NCOA2: variants seen among roughly 807,000 people sequenced by gnomAD.
The protein encoded by NCOA2 is class E basic helix-loop-helix protein 75.
A neutral mutation model predicts 145.1 loss-of-function variants in NCOA2; 21 were observed. The observed-to-expected ratio is 0.14, with a 90% CI of 0.10 to 0.21. The LOEUF (loss-of-function observed/expected upper bound fraction) is 0.21. NCOA2 is among the 10% of genes least tolerant of loss of function. The pLI, the probability that NCOA2 is intolerant of heterozygous loss-of-function variation, is 1.00. For missense variants in NCOA2, 1,472 were observed against 1,837.6 expected, an observed-to-expected ratio of 0.80 and a Z score of 3.64; for synonymous variants, 619 against 637.5, an observed-to-expected ratio of 0.97 and a Z score of 0.44.
chr8:70,269,440 G>A (rs918394059), intron 2 of NCOA2, among the ~76,000 whole-genome samples: 2 of 151,664 alleles, frequency 1.3e-5, no homozygotes, highest in African/African-American at 2.4e-5. Context: ...TGGGCAACAC[G>A]GTGAGACTCT....
intron 1 of NCOA2, among the ~76,000 whole-genome samples, chr8:70,339,139 C>T (rs1807897256): frequency 6.6e-6 from 1 of 152,088 alleles, no homozygotes; most frequent in African/African-American, 2.4e-5. Context: ...GAAAGGAAGT[C>T]AAATTGTCTT....
chr8:70,225,587 A>G (rs576908869), intron 2 of NCOA2, among the ~76,000 whole-genome samples: 65 of 152,000 alleles, frequency 4.3e-4, no homozygotes, highest in African/African-American at 1.5e-3. Context: ...AAGAAAAGAA[A>G]AAGAAAAAGA....
intron 1 of NCOA2, among the ~76,000 whole-genome samples, chr8:70,354,883 T>C (rs1809549330): frequency 6.6e-6 from 1 of 152,210 alleles, no homozygotes; most frequent in African/African-American, 2.4e-5. Flanking sequence ...TAGTTTATTA[T>C]TCTCTGAGAT....
chr8:70,197,441 G>C (rs1223736834), intron 4 of NCOA2, among the ~76,000 whole-genome samples: 1 of 152,224 alleles, frequency 6.6e-6, no homozygotes, highest in East Asian at 1.9e-4. Flanking sequence ...GGGAGGGTGA[G>C]GGACATATGC....
chr8:70,416,128 G>A, the NCOA2 span, among the ~76,000 whole-genome samples: 7 of 151,898 alleles, frequency 4.6e-5, no homozygotes, highest in African/African-American at 1.7e-4. Context: ...AGTTGATGTT[G>A]CAGTCTTCAG....
At chr8:70,130,395 T>A (rs1010804666) in intron 16 of NCOA2, among the ~76,000 whole-genome samples, 3 of 152,140 alleles carry the variant, frequency 2.0e-5, no homozygotes, top group African/African-American at 7.2e-5. Flanking sequence ...TTTGATAACA[T>A]TACAAGTCAC....
chr8:70,270,018 T>C (rs1303984380), intron 2 of NCOA2, among the ~76,000 whole-genome samples: 1 of 152,114 alleles, frequency 6.6e-6, no homozygotes. Context: ...CTGTTAAAAA[T>C]TAGCCAGGCT....
rs939871016 is a variant in NCOA2, at chr8:70,317,058, A to G, written c.-76-20258T>C. On this transcript the variant is annotated intron_variant, in intron 1 of 22. Coordinates refer to ENST00000452400, the MANE Select transcript of NCOA2 (RefSeq NM_006540.4). ...GTTAGTTTGTGCTATAAGAGAGCACATGAACTCTTGGGGTTTGCAGTGGCT... is the reference window on the plus strand; with the variant it reads ...GTTAGTTTGTGCTATAAGAGAGCACGTGAACTCTTGGGGTTTGCAGTGGCT... Among the ~76,000 whole-genome samples, 3 of 152,182 alleles carry G rather than the reference A, an allele frequency of 2.0e-5. No homozygotes were observed. The South Asian group carries it at 6.2e-4, about 31-fold the overall frequency.
chr8:70,401,357 AT>A lies in NCOA2; in HGVS notation c.-77+2342del, dbSNP rs547565766. On this transcript the variant is annotated intron_variant, in intron 1 of 22. Coordinates refer to ENST00000452400, the MANE Select transcript of NCOA2 (RefSeq NM_006540.4). ...AGCAGTGTTTAAGAAAATTAAAATTATTTTTAAGAATCTTTTGTGTGGGAGT... is the reference window on the plus strand; with the variant it reads ...AGCAGTGTTTAAGAAAATTAAAATTATTTTAAGAATCTTTTGTGTGGGAGT... Among the ~76,000 whole-genome samples, 399 of 152,310 alleles carry A rather than the reference AT, an allele frequency of 2.6e-3. 2 individuals are homozygous for A. Among genetic ancestry groups the A allele is most frequent in the Admixed American group, 0.011 (166 of 15,298 alleles).
chr8:70,377,328 T>A, intron 1 of NCOA2, among the ~76,000 whole-genome samples: 1 of 151,876 alleles, frequency 6.6e-6, no homozygotes. Context: ...AAAAAAAAAC[T>A]CTTAACAATT....
At chr8:70,426,374 G>T in the NCOA2 span, among the ~76,000 whole-genome samples, 14 of 152,262 alleles carry the variant, frequency 9.2e-5, no homozygotes, top group African/African-American at 3.1e-4. Flanking sequence ...AGATGATAAG[G>T]TATTACACTT....
intron 2 of NCOA2, among the ~76,000 whole-genome samples, chr8:70,283,202 C>A (rs1282483640): frequency 6.6e-6 from 1 of 152,112 alleles, no homozygotes; most frequent in Non-Finnish European, 1.5e-5. Flanking sequence ...ATATTCTAGG[C>A]AAAAATCAGA....
intron 1 of NCOA2, among the ~76,000 whole-genome samples, chr8:70,346,759 T>C (rs1218823690): frequency 6.6e-6 from 1 of 152,314 alleles, no homozygotes; most frequent in East Asian, 1.9e-4. Flanking sequence ...TAACAAGTAC[T>C]CAAGCTGTTA....
chr8:70,339,390 T>C (rs1163695715), intron 1 of NCOA2, among the ~76,000 whole-genome samples: 1 of 152,050 alleles, frequency 6.6e-6, no homozygotes, highest in Admixed American at 6.6e-5. Flanking sequence ...GTGAAGGACA[T>C]CTTCAAGAAG....
rs1356508009 is a variant in NCOA2, at chr8:70,111,254, A to C, written c.*2378T>G. ...AGCGGGCAGATGGATAAAAAAGAAG[A>C]GATAGGTAGATAGTTTTGGACGGTG... On this transcript the variant is annotated 3_prime_UTR_variant, in exon 23 of 23. Transcript: ENST00000452400. The C allele has an allele frequency of 4.4e-6, 1 of 226,440 alleles. No individual in the cohort carries two copies. Among genetic ancestry groups the C allele is most frequent in the Non-Finnish European group, 8.8e-6 (1 of 113,886 alleles). The allele number at this position is 226,440 out of a possible 1,614,324, so 14.0% of individuals were successfully genotyped here. A position where few individuals can be genotyped will look rare whatever the true frequency, so the allele number is the denominator to read the frequency against.
At chr8:70,403,923 G>A, upstream of NCOA2, 1 of 374,720 alleles carries the variant, frequency 2.7e-6, no homozygotes, top group Non-Finnish European at 4.8e-6. Flanking sequence ...GAGCTCGCGA[G>A]CAGGGGAGGG....
intron 1 of NCOA2, among the ~76,000 whole-genome samples, chr8:70,393,314 C>T (rs1282995013): frequency 6.6e-6 from 1 of 152,170 alleles, no homozygotes; most frequent in African/African-American, 2.4e-5. Flanking sequence ...ATCAGCATTG[C>T]CATTCTGTTC....
At chr8:70,221,103 A>G (rs567390086) in intron 2 of NCOA2, among the ~76,000 whole-genome samples, 50 of 152,306 alleles carry the variant, frequency 3.3e-4, no homozygotes, top group Middle Eastern at 3.4e-3. Context: ...GAACAGAAAG[A>G]CTTAGAGATT....
At chr8:70,260,873 A>G (rs1824055988) in intron 2 of NCOA2, among the ~76,000 whole-genome samples, 1 of 152,244 alleles carries the variant, frequency 6.6e-6, no homozygotes, top group African/African-American at 2.4e-5. Context: ...ACTGGCCATC[A>G]GAGAAATGCA....
Sources: gnomAD v4.1 joint callset for allele counts (sites outside exome capture counted in the v4.1 genomes callset) on GRCh38, gnomAD v4.1.1 for gene constraint, MANE v1.5 for transcripts, NCBI Gene and HGNC (gene_info 2026-07-23, HGNC 2026-07-21) for gene names.